Variants in LRRFIP2 observed in about 807,000 individuals in gnomAD.
The protein encoded by LRRFIP2 is LRR binding FLII interacting protein 2, also known as leucine-rich repeat flightless-interacting protein 2.
Under a neutral mutation model 125.9 loss-of-function variants are expected in LRRFIP2, and 109 were observed. That is an observed-to-expected ratio of 0.87 (90% confidence interval 0.74 to 1.01). The LOEUF (loss-of-function observed/expected upper bound fraction) is 1.01, where lower values mean the gene tolerates loss of function less well. LRRFIP2 is among the 50% of genes least tolerant of loss of function. The pLI is 0.00. For missense variants in LRRFIP2, 850 were observed against 862.3 expected (o/e 0.99, Z 0.18); for synonymous variants, 291 against 293.1 (o/e 0.99, Z 0.07).
intron 1 of LRRFIP2, among the ~76,000 whole-genome samples, chr3:37,165,724 C>G (rs1002826764): frequency 1.3e-5 from 2 of 149,874 alleles, no homozygotes; most frequent in African/African-American, 2.5e-5. Context: ...CCATTGCACT[C>G]TAGCCCGGGC....
chr3:37,079,913 T>C (rs1196171367), intron 19 of LRRFIP2, among the ~76,000 whole-genome samples: 1 of 152,108 alleles, frequency 6.6e-6, no homozygotes, highest in Non-Finnish European at 1.5e-5. Flanking sequence ...TACTTAAGAC[T>C]GAGGGGTTTG....
At chr3:37,088,469 G>A (rs1022618595) in intron 18 of LRRFIP2, among the ~76,000 whole-genome samples, 6 of 150,424 alleles carry the variant, frequency 4.0e-5, no homozygotes, top group Middle Eastern at 3.2e-3. Context: ...TTGAGCCCAG[G>A]AGTTGTAGAT....
intron 4 of LRRFIP2, among the ~76,000 whole-genome samples, chr3:37,125,129 G>T (rs542340799): frequency 6.6e-6 from 1 of 151,952 alleles, no homozygotes; most frequent in Non-Finnish European, 1.5e-5. Flanking sequence ...GTTTTTAAAC[G>T]TTCACCTGAA....
intron 4 of LRRFIP2, among the ~76,000 whole-genome samples, chr3:37,127,367 T>C (rs867658692): frequency 6.6e-6 from 1 of 151,936 alleles, no homozygotes; most frequent in Non-Finnish European, 1.5e-5. Context: ...AACAAACCCA[T>C]AAAAAGAAAA....
chr3:37,149,587 C>T (rs1336073154), intron 1 of LRRFIP2, among the ~76,000 whole-genome samples: 3 of 152,100 alleles, frequency 2.0e-5, no homozygotes, highest in Admixed American at 2.0e-4. Context: ...GAATGAAAAA[C>T]ATTTCAGAAG....
intron 2 of LRRFIP2, chr3:37,134,650 C>T (rs2095512626): frequency 1.6e-6 from 1 of 635,428 alleles, no homozygotes; most frequent in South Asian, 1.4e-5. Context: ...AGATGACAAG[C>T]ACATACTATG....
At chr3:37,117,320 G>T (rs1420394486) in intron 6 of LRRFIP2, among the ~76,000 whole-genome samples, 1 of 151,920 alleles carries the variant, frequency 6.6e-6, no homozygotes, top group Non-Finnish European at 1.5e-5. Flanking sequence ...GAAATAACCT[G>T]TTTCAATTTT....
At chr3:37,143,929 C>G (rs1039758316) in intron 2 of LRRFIP2, 5 of 152,796 alleles carry the variant, frequency 3.3e-5, no homozygotes, top group African/African-American at 1.2e-4. Context: ...GCTCTGCAAC[C>G]TCTTTAACAA....
chr3:37,066,276 TCTCG>T lies in LRRFIP2; in HGVS notation c.1510_1513del (p.Arg504IlefsTer14), dbSNP rs2090124985. On this transcript the variant is annotated frameshift_variant, in exon 22 of 28. Transcript: ENST00000336686. LOFTEE classifies it high-confidence loss of function. The stretch of plus-strand genomic sequence containing the variant: ...GTCAGCCAGCTCCTCTCTGAGCATA[TCTCG>T]CTCATTCCTAAGGCAGGCAATGTAT... 1.2e-6 allele frequency: 2 copies of T among 1,614,064 alleles called. No homozygotes were observed. Among genetic ancestry groups the T allele is most frequent in the Admixed American group, 1.7e-5 (1 of 60,006 alleles).
At chr3:37,120,095 TG>T (rs1291317544) in intron 6 of LRRFIP2, among the ~76,000 whole-genome samples, 1 of 151,952 alleles carries the variant, frequency 6.6e-6, no homozygotes, top group Non-Finnish European at 1.5e-5. Flanking sequence ...TGTAAAGATC[TG>T]TTAATATTCT....
intron 8 of LRRFIP2, among the ~76,000 whole-genome samples, chr3:37,112,274 T>G (rs2094573639): frequency 6.9e-6 from 1 of 145,718 alleles, no homozygotes; most frequent in Non-Finnish European, 1.5e-5. Flanking sequence ...AGGTGGAGGT[T>G]GCAGTGAGCC....
chr3:37,155,022 T>C (rs1388223434), intron 1 of LRRFIP2, among the ~76,000 whole-genome samples: 1 of 152,222 alleles, frequency 6.6e-6, no homozygotes, highest in African/African-American at 2.4e-5. Flanking sequence ...TCCCAGTATA[T>C]GGAATTGTCC....
chr3:37,055,400 T>A (rs983880577), intron 25 of LRRFIP2, among the ~76,000 whole-genome samples: 6 of 152,122 alleles, frequency 3.9e-5, no homozygotes, highest in African/African-American at 1.2e-4. Flanking sequence ...ACCCTGTCTC[T>A]ACTAAAAATA....
chr3:37,148,775 T>G, intron 2 of LRRFIP2, 119 bp downstream of exon 2: 1 of 1,015,028 alleles, frequency 9.9e-7, no homozygotes, highest in Admixed American at 2.4e-5. Context: ...CTATAACATC[T>G]TGCTCATAAT....
intron 1 of LRRFIP2, among the ~76,000 whole-genome samples, chr3:37,167,241 A>G (rs2096516548): frequency 6.6e-6 from 1 of 151,998 alleles, no homozygotes; most frequent in African/African-American, 2.4e-5. Context: ...GAAGAGAAAA[A>G]GAAAAGATGC....
At chr3:37,158,213 A>G (rs1171354405) in intron 1 of LRRFIP2, among the ~76,000 whole-genome samples, 2 of 152,220 alleles carry the variant, frequency 1.3e-5, no homozygotes, top group Admixed American at 6.5e-5. Context: ...TCCTTTCTTG[A>G]TACCTTTTAA....
Position 37,053,855 on chromosome 3 carries a change from T to G in LRRFIP2, c.2162A>C (p.Gln721Pro). 3 of 1,613,020 alleles carry G rather than the reference T, an allele frequency of 1.9e-6. No individual in the cohort carries two copies. Among genetic ancestry groups the G allele is most frequent in the Non-Finnish European group, 2.5e-6 (3 of 1,178,918 alleles). ...CCAGGTTGAAGGGTGGTTTTCCTAC[T>G]GCTGGGCCAGAAGTGCTGTCCTATT... ...KANRTALLAQQ is the reference protein window; with the variant it reads ...KANRTALLAQP The change falls in exon 28 of 28, where the codon CAG becomes CCG. Residue 721 changes from glutamine (Q) to proline (P), a missense_variant. Gln to Pro is a moderately conservative substitution (Grantham distance 76, BLOSUM62 -1). Coordinates refer to ENST00000336686, the MANE Select transcript of LRRFIP2 (RefSeq NM_006309.4).
chr3:37,134,469 A>G (rs9832138), intron 2 of LRRFIP2, among the ~76,000 whole-genome samples: 68,429 of 151,950 alleles, frequency 0.45, 16,116 homozygotes, highest in African/African-American at 0.49. Flanking sequence ...AGTCATTGCA[A>G]AGCTACAGCT....
intron 1 of LRRFIP2, among the ~76,000 whole-genome samples, chr3:37,159,452 T>C (rs2096276992): frequency 6.6e-6 from 1 of 152,228 alleles, no homozygotes; most frequent in South Asian, 2.1e-4. Context: ...TTTAACACTG[T>C]TTGGCTATTC....
Sources: gnomAD v4.1 joint callset for allele counts (sites outside exome capture counted in the v4.1 genomes callset) on GRCh38, gnomAD v4.1.1 for gene constraint, MANE v1.5 for transcripts, NCBI Gene and HGNC (gene_info 2026-07-23, HGNC 2026-07-21) for gene names.